NAV3: variants seen among roughly 807,000 people sequenced by gnomAD.
NAV3 encodes pore membrane and/or filament interacting like protein 1.
In NAV3, 87 loss-of-function variants were observed where a neutral mutation model predicts 244.7. The ratio of observed to expected loss-of-function variants is 0.36; its 90% CI spans 0.30 to 0.42. The LOEUF (loss-of-function observed/expected upper bound fraction) is 0.42, where lower values mean the gene tolerates loss of function less well. Ranked by LOEUF, NAV3 falls within the 20% of genes least tolerant of loss-of-function variation. The pLI is 1.00. For missense variants in NAV3, 2,663 were observed against 2,893.3 expected, an observed-to-expected ratio of 0.92 and a Z score of 1.83; for synonymous variants, 1,126 against 1,042.2, an observed-to-expected ratio of 1.08 and a Z score of -1.55.
intron 2 of NAV3, among the ~76,000 whole-genome samples, chr12:77,645,149 A>G (rs940434788): frequency 6.6e-6 from 1 of 152,154 alleles, no homozygotes; most frequent in African/African-American, 2.4e-5. Context: ...CACAAAGGCC[A>G]GATGGAAGAT....
chr12:77,992,705 G>A (rs1390785762), intron 5 of NAV3, among the ~76,000 whole-genome samples: 1 of 152,150 alleles, frequency 6.6e-6, no homozygotes, highest in Non-Finnish European at 1.5e-5. Flanking sequence ...AATATTTGAG[G>A]AAAGAGGATA....
chr12:77,979,885 C>A (rs58236831), intron 5 of NAV3, among the ~76,000 whole-genome samples: 4,580 of 151,968 alleles, frequency 0.03, 130 homozygotes, highest in African/African-American at 0.075. Flanking sequence ...ACTGAGAGAA[C>A]GAGTATTGCC....
chr12:78,074,504 A>T (rs1270959156), intron 12 of NAV3, among the ~76,000 whole-genome samples: 1 of 152,098 alleles, frequency 6.6e-6, no homozygotes, highest in African/African-American at 2.4e-5. Flanking sequence ...GGAGTTCGAG[A>T]CCAGCCTGGC....
intron 20 of NAV3, among the ~76,000 whole-genome samples, chr12:78,141,567 T>C (rs421034): frequency 0.34 from 50,939 of 152,024 alleles, 8,826 homozygotes; most frequent in East Asian, 0.48. Context: ...CTTCTCTTTA[T>C]AGATTAATCT....
chr12:78,081,394 G>T (rs1293718050), intron 12 of NAV3, among the ~76,000 whole-genome samples: 1 of 152,110 alleles, frequency 6.6e-6, no homozygotes, highest in Non-Finnish European at 1.5e-5. Flanking sequence ...ATAGATGAAG[G>T]TCTTGGTGCT....
chr12:77,616,383 G>A (rs148739995), intron 2 of NAV3, among the ~76,000 whole-genome samples: 1 of 152,066 alleles, frequency 6.6e-6, no homozygotes, highest in African/African-American at 2.4e-5. Context: ...TTCCAGCCTG[G>A]GCAATAAAAT....
intron 1 of NAV3, among the ~76,000 whole-genome samples, chr12:77,884,996 G>A (rs998263329): frequency 7.9e-5 from 12 of 152,060 alleles, no homozygotes; most frequent in African/African-American, 2.9e-4. Flanking sequence ...AATGATGGAT[G>A]GAGCATTTCT....
intron 1 of NAV3, among the ~76,000 whole-genome samples, chr12:77,860,868 G>A (rs979343002): frequency 6.6e-6 from 1 of 151,798 alleles, no homozygotes; most frequent in African/African-American, 2.4e-5. Context: ...GGAAATAAAG[G>A]ACTTGAGGAT....
At chr12:77,861,977 A>C (rs1212391288) in intron 1 of NAV3, among the ~76,000 whole-genome samples, 1 of 151,822 alleles carries the variant, frequency 6.6e-6, no homozygotes, top group East Asian at 1.9e-4. Flanking sequence ...TAAAATAAAT[A>C]CTATCGAAAG....
rs1365767179 is a variant in NAV3, at chr12:78,050,814, G to A, written c.2183G>A (p.Arg728Lys). 3.7e-6 allele frequency: 6 copies of A among 1,611,468 alleles called. No individual in the cohort carries two copies. The highest frequency in any genetic ancestry group is 5.1e-6 in the Non-Finnish European group (6 of 1,177,908). ...DSTVTTEVNG[R>K]TIPNLTSRPT... ...ACTGTGACAACAGAAGTTAATGGAAGGACCATACCCAACTTGACAAGTCGA... is the reference window on the plus strand; with the variant it reads ...ACTGTGACAACAGAAGTTAATGGAAAGACCATACCCAACTTGACAAGTCGA... The change falls in exon 11 of 40, where the codon AGG becomes AAG. Residue 728 changes from arginine to lysine, a missense_variant. By Grantham distance (26) the Arg-to-Lys change is conservative (BLOSUM62 2). This residue lies in a region of NAV3 where 1,521 missense variants were observed against 1,497.0 expected (regional missense o/e 1.02). Transcript: ENST00000397909.
intron 2 of NAV3, among the ~76,000 whole-genome samples, chr12:77,641,792 G>A (rs563531863): frequency 4.6e-5 from 7 of 152,108 alleles, no homozygotes; most frequent in Non-Finnish European, 1.0e-4. Flanking sequence ...ACCCACAGCT[G>A]TTTGTTGAGC....
In NAV3 at chr12:78,159,217, A is replaced by G. The variant is rs368790326; in HGVS notation, c.4800A>G (p.Ala1600=). Reference sequence around the variant, plus strand: ...TCTGTTCACAGGCTCACCTTGTAGCAGCTTTTGAAAAGAGCTTAGGGAATA... The same window carrying G: ...TCTGTTCACAGGCTCACCTTGTAGCGGCTTTTGAAAAGAGCTTAGGGAATA... ...SQLSANAHLV[A]AFEKSLGNMT... The change falls in exon 23 of 40, where the codon GCA becomes GCG. Residue 1600 remains alanine, a synonymous_variant. Transcript: ENST00000397909. The G allele has an allele frequency of 6.2e-7, 1 of 1,613,228 alleles. No homozygotes were observed. Among genetic ancestry groups the G allele is most frequent in the Non-Finnish European group, 8.5e-7 (1 of 1,179,548 alleles).
At chr12:77,883,208 A>T (rs1882877911) in intron 1 of NAV3, among the ~76,000 whole-genome samples, 1 of 152,140 alleles carries the variant, frequency 6.6e-6, no homozygotes, top group Non-Finnish European at 1.5e-5. Context: ...ATGTCCATAA[A>T]CAGTGGATTG....
intron 2 of NAV3, among the ~76,000 whole-genome samples, chr12:77,779,104 C>T (rs1870536476): frequency 6.6e-6 from 1 of 152,178 alleles, no homozygotes. Flanking sequence ...TTTGTAATGA[C>T]ACTTTTGTGG....
chr12:77,960,444 T>TACACAC (rs1278442245), intron 3 of NAV3, among the ~76,000 whole-genome samples: 2 of 64,384 alleles, frequency 3.1e-5, no homozygotes, highest in African/African-American at 1.2e-4. Context: ...GTCATATATA[T>TACACAC]ATATATACAC....
At chr12:77,985,570 C>CTT (rs58504254) in intron 5 of NAV3, among the ~76,000 whole-genome samples, 5 of 146,626 alleles carry the variant, frequency 3.4e-5, no homozygotes, top group African/African-American at 1.0e-4. Flanking sequence ...TCTTTCTCTA[C>CTT]TTTTTTTTTT....
intron 2 of NAV3, among the ~76,000 whole-genome samples, chr12:77,676,037 C>T (rs1211884526): frequency 6.6e-6 from 1 of 152,106 alleles, no homozygotes; most frequent in Non-Finnish European, 1.5e-5. Context: ...TCACATCATC[C>T]ACTTCACATG....
At chr12:77,851,350 C>T (rs1877492340) in intron 1 of NAV3, among the ~76,000 whole-genome samples, 1 of 152,210 alleles carries the variant, frequency 6.6e-6, no homozygotes, top group African/African-American at 2.4e-5. Context: ...TTTACCCTCA[C>T]TGTCACAGGT....
chr12:78,118,425 A>G, intron 14 of NAV3, 128 bp downstream of exon 14: 2 of 1,231,128 alleles, frequency 1.6e-6, no homozygotes, highest in Non-Finnish European at 2.2e-6. Flanking sequence ...CATGGAGTCA[A>G]ATAGTTAAAT....
Sources: gnomAD v4.1 joint callset for allele counts (sites outside exome capture counted in the v4.1 genomes callset) on GRCh38, gnomAD v4.1.1 for gene constraint, gnomAD v4.1.1 regional missense constraint, MANE v1.5 for transcripts, NCBI Gene and HGNC (gene_info 2026-07-23, HGNC 2026-07-21) for gene names.